P3H2: variants seen among roughly 807,000 people sequenced by gnomAD.
The protein encoded by P3H2 is prolyl 3-hydroxylase 2, also known as leprecan-like 1.
P3H2 carries 80 observed loss-of-function variants against 87.0 expected under a neutral mutation model. The observed-to-expected ratio is 0.92, with a 90% CI of 0.77 to 1.11. The LOEUF is 1.11. P3H2 is among the 50% of genes least tolerant of loss of function. P3H2 has a pLI of 0.00. For missense variants in P3H2, 1,001 were observed against 923.9 expected (o/e 1.08, Z -1.08); for synonymous variants, 367 against 359.3 (o/e 1.02, Z -0.24).
rs781043337 is a variant in P3H2, at chr3:190,000,001, G to A, written c.481-4559C>T. The stretch of plus-strand genomic sequence containing the variant: ...AGTTACACTGTCCTTGAACCTGTGA[G>A]TGAATGAGGTTCCTCTGACACAGAA... On this transcript the variant is annotated intron_variant, in intron 1 of 14. Transcript: ENST00000319332. 3.3e-5 allele frequency among the ~76,000 whole-genome samples: 5 copies of A among 152,216 alleles called. No homozygotes were observed. The East Asian group carries it at 7.7e-4, about 23-fold the overall frequency.
At chr3:190,041,393 G>A (rs1725632483) in intron 1 of P3H2, among the ~76,000 whole-genome samples, 1 of 151,446 alleles carries the variant, frequency 6.6e-6, no homozygotes, top group Non-Finnish European at 1.5e-5. Flanking sequence ...AAGGAGGGTG[G>A]CAGTGAAGAG....
intron 1 of P3H2, among the ~76,000 whole-genome samples, chr3:190,016,976 T>C (rs1463430230): frequency 6.6e-6 from 1 of 152,262 alleles, no homozygotes; most frequent in Non-Finnish European, 1.5e-5. Flanking sequence ...CATTCAAGTA[T>C]GAGTCCACTG....
At chr3:190,116,294 A>G (rs1487735153) in intron 1 of P3H2, among the ~76,000 whole-genome samples, 2 of 152,204 alleles carry the variant, frequency 1.3e-5, no homozygotes, top group African/African-American at 4.8e-5. Context: ...TGTATCTCCA[A>G]TGGTTACTGA....
chr3:190,065,605 C>T (rs192349728), intron 1 of P3H2, among the ~76,000 whole-genome samples: 3 of 152,196 alleles, frequency 2.0e-5, no homozygotes, highest in Non-Finnish European at 2.9e-5. Flanking sequence ...TCTCTCTAGT[C>T]AAAGTCTTAG....
At chr3:190,099,265 C>T (rs1711536190) in intron 1 of P3H2, among the ~76,000 whole-genome samples, 1 of 152,162 alleles carries the variant, frequency 6.6e-6, no homozygotes, top group African/African-American at 2.4e-5. Flanking sequence ...GGCAAAACTT[C>T]ATTTTCAAAT....
chr3:189,966,124 AAAG>A (rs770697654), intron 13 of P3H2, among the ~76,000 whole-genome samples: 6 of 22,028 alleles, frequency 2.7e-4, no homozygotes, highest in Admixed American at 6.2e-4. Flanking sequence ...AAAGAAAGAA[AAAG>A]AAAGAAAGAA....
At chr3:189,971,287 T>C (rs1424523863) in intron 12 of P3H2, among the ~76,000 whole-genome samples, 1 of 152,386 alleles carries the variant, frequency 6.6e-6, no homozygotes, top group East Asian at 1.9e-4. Context: ...TGTTTTTCTC[T>C]TTAACTTGCT....
At position 189,957,139 on chromosome 3, in the gene P3H2, C is replaced by A; in HGVS notation, c.*773G>T. ...ACCAAGGCCCTGGAAAGACTGAAGT[C>A]CCCTCTGTCTCATACAGTAATCATC... On this transcript the variant is annotated 3_prime_UTR_variant, in exon 15 of 15. Coordinates refer to ENST00000319332, the MANE Select transcript of P3H2 (RefSeq NM_018192.4). The A allele has an allele frequency of 2.5e-6, 1 of 398,534 alleles. No homozygotes were observed. 24.7% of individuals were successfully genotyped at this position (398,534 alleles called of 1,614,324 possible). A position where few individuals can be genotyped will look rare whatever the true frequency, so the allele number is the denominator to read the frequency against.
chr3:190,081,472 T>C (rs13091720), intron 1 of P3H2, among the ~76,000 whole-genome samples: 4,270 of 152,130 alleles, frequency 0.028, 94 homozygotes, highest in Non-Finnish European at 0.043. Flanking sequence ...TGAATATAAA[T>C]GGAAAGAAAA....
rs1172262355 is a variant in P3H2 at position 190,041,078 on chromosome 3, ACACT to A, written c.481-45640_481-45637del. ...CACACACACACACACACACACACACACACTCTCTCTCTCTATATATATATATATA... is the reference window on the plus strand; with the variant it reads ...CACACACACACACACACACACACACACTCTCTCTCTATATATATATATATA... On this transcript the variant is annotated intron_variant, in intron 1 of 14. Transcript: ENST00000319332. Among the ~76,000 whole-genome samples the A allele has an allele frequency of 4.9e-3, 220 of 44,726 alleles. 16 individuals carry two copies. The highest frequency in any genetic ancestry group is 0.011 in the Admixed American group (41 of 3,566). 29.3% of individuals were successfully genotyped at this position (44,726 alleles called of 152,430 possible). A position where few individuals can be genotyped will look rare whatever the true frequency, so the allele number is the denominator to read the frequency against.
chr3:190,067,045 T>C (rs1012542249), intron 1 of P3H2, among the ~76,000 whole-genome samples: 2 of 151,400 alleles, frequency 1.3e-5, no homozygotes, highest in Admixed American at 6.6e-5. Context: ...GGGTCTTGTT[T>C]TGTTGCCCAG....
intron 1 of P3H2, among the ~76,000 whole-genome samples, chr3:190,027,237 C>A (rs773263121): frequency 6.6e-6 from 1 of 152,198 alleles, no homozygotes; most frequent in Non-Finnish European, 1.5e-5. Flanking sequence ...ACTAAATCTC[C>A]GCCACTTAGC....
chr3:189,959,997 G>A (rs573734156), intron 14 of P3H2, among the ~76,000 whole-genome samples: 6 of 151,920 alleles, frequency 3.9e-5, no homozygotes, highest in Non-Finnish European at 7.4e-5. Flanking sequence ...GACTCCTGCC[G>A]CCTCCACGTC....
At position 189,971,893 on chromosome 3, in the gene P3H2, T is replaced by A. The variant is rs771370088; in HGVS notation, c.1814A>T (p.Tyr605Phe). 6.3e-7 allele frequency: 1 copy of A among 1,578,428 alleles called. No homozygotes were observed. Among genetic ancestry groups the A allele is most frequent in the African/African-American group, 1.3e-5 (1 of 74,212 alleles). Residue 605 changes from tyrosine to phenylalanine, a missense_variant, in exon 12 of 15, where the codon TAT (tyrosine) becomes TTT (phenylalanine). Tyr to Phe is a conservative substitution (Grantham distance 22, BLOSUM62 3). Transcript: ENST00000319332. ...TTGAAGCAGGTTCTAGCTATACCTA[T>A]AGTCTCGAAATGTGTAAGCAGGAGG... Reference protein sequence around the residue: ...KEPPAYTFRDYSALLYMNDDF... With the variant: ...KEPPAYTFRDFSALLYMNDDF...
intron 1 of P3H2, among the ~76,000 whole-genome samples, chr3:190,113,227 A>C (rs1214343316): frequency 6.6e-6 from 1 of 152,194 alleles, no homozygotes; most frequent in Non-Finnish European, 1.5e-5. Flanking sequence ...TTCTGGGCCA[A>C]GCTCCATTTG....
chr3:190,020,536 T>C (rs1724901467), intron 1 of P3H2, among the ~76,000 whole-genome samples: 1 of 134,420 alleles, frequency 7.4e-6, no homozygotes, highest in Admixed American at 7.6e-5. Flanking sequence ...AGCATCTTTT[T>C]TATGGCTCAA....
rs200097659 is a variant in P3H2 at position 189,984,615 on chromosome 3, A to C, written c.1189-25T>G. 2.5e-3 allele frequency: 4,019 copies of C among 1,579,458 alleles called. 25 individuals carry two copies. The highest frequency in any genetic ancestry group is 2.0e-3 in the Non-Finnish European group (2,269 of 1,149,660). ...TCTGTTTTGAATCGAGTAAAAAAAA[A>C]AATGCAGTAATTTTGTCACTAAAAC... On this transcript the variant is annotated intron_variant, in intron 6 of 14. Coordinates refer to ENST00000319332, the MANE Select transcript of P3H2 (RefSeq NM_018192.4).
chr3:190,030,711 G>A (rs1419736346), intron 1 of P3H2, among the ~76,000 whole-genome samples: 1 of 152,150 alleles, frequency 6.6e-6, no homozygotes, highest in African/African-American at 2.4e-5. Flanking sequence ...ACATGCTATA[G>A]TAAATTTATA....
intron 1 of P3H2, among the ~76,000 whole-genome samples, chr3:190,101,858 C>T (rs1170770735): frequency 1.3e-5 from 2 of 152,184 alleles, no homozygotes; most frequent in Admixed American, 6.5e-5. Context: ...GATGTTAAAG[C>T]TTCAAAGGAC....
Sources: allele counts gnomAD v4.1 joint callset (sites outside exome capture counted in the v4.1 genomes callset), GRCh38; gene constraint gnomAD v4.1.1; transcripts MANE v1.5; gene names NCBI Gene and HGNC (gene_info 2026-07-23, HGNC 2026-07-21).